APOOL: variants seen among roughly 807,000 people sequenced by gnomAD.
APOOL encodes apolipoprotein O like, also known as MICOS complex subunit MIC27.
APOOL carries 12 observed loss-of-function variants against 23.1 expected under a neutral mutation model. The observed-to-expected ratio is 0.52, with a 90% CI of 0.33 to 0.84. APOOL has a LOEUF of 0.84. Ranked by LOEUF, APOOL falls within the 40% of genes least tolerant of loss-of-function variation. APOOL has a pLI of 0.02. For missense variants in APOOL, 212 were observed against 199.6 expected (o/e 1.06, Z -0.37); for synonymous variants, 77 against 69.9 (o/e 1.10, Z -0.51).
At chrX:85,007,374 G>A (rs746139422) in intron 1 of APOOL, among the ~76,000 whole-genome samples, 24 of 110,963 alleles carry the variant, frequency 2.2e-4, no homozygotes, top group African/African-American at 7.5e-4. Flanking sequence ...GTCATCCACT[G>A]TGGATAAGGA....
chrX:85,026,666 T>TA (rs949080072), intron 1 of APOOL, among the ~76,000 whole-genome samples: 10 of 111,928 alleles, frequency 8.9e-5, no homozygotes, highest in South Asian at 7.5e-4. Context: ...TTCTACCAGA[T>TA]AGGCTAGGTC....
chrX:85,023,413 A>G (rs1005330513), intron 1 of APOOL, among the ~76,000 whole-genome samples: 1 of 112,024 alleles, frequency 8.9e-6, no homozygotes, highest in East Asian at 2.8e-4. Context: ...GAAATGGAAG[A>G]CAGAAATTGA....
chrX:85,087,213 A>G (rs762298068), intron 8 of APOOL, among the ~76,000 whole-genome samples: 2 of 110,677 alleles, frequency 1.8e-5, no homozygotes, highest in South Asian at 7.9e-4. Flanking sequence ...TTGGTTCCTC[A>G]GACATACCTC....
At chrX:85,084,733 G>A (rs768586908) in intron 8 of APOOL, among the ~76,000 whole-genome samples, 4 of 111,283 alleles carry the variant, frequency 3.6e-5, no homozygotes, top group Non-Finnish European at 5.7e-5. Flanking sequence ...TGATCTAAAG[G>A]CAAAAGATTC....
chrX:85,074,154 T>C (rs1923764894), intron 7 of APOOL, 43 bp downstream of exon 7: 1 of 1,140,700 alleles, frequency 8.8e-7, no homozygotes, highest in Admixed American at 2.6e-5. Context: ...TGAGTTTTGT[T>C]TGGGTGGGTG....
At chrX:85,022,478 C>A (rs1569453802) in intron 1 of APOOL, among the ~76,000 whole-genome samples, 1 of 111,731 alleles carries the variant, frequency 9.0e-6, no homozygotes, top group African/African-American at 3.3e-5. Flanking sequence ...AAAGGAAGGA[C>A]AAAAGCCATA....
chrX:85,043,392 C>G (rs1243382659), intron 1 of APOOL, among the ~76,000 whole-genome samples: 1 of 92,784 alleles, frequency 1.1e-5, no homozygotes, highest in African/African-American at 3.9e-5. Flanking sequence ...ATTTGGTTTT[C>G]TAAATTGGAG....
rs1569462215 is a variant in APOOL, at chrX:85,088,019, C to CATATTT, written c.*344_*345insTTTATA. Reference sequence around the variant, plus strand: ...ATATATATATATGTATGTATAAATACATACATATTTATACATGTATAAATA... The same window carrying CATATTT: ...ATATATATATATGTATGTATAAATACATATTTATACATATTTATACATGTATAAATA... On this transcript the variant is annotated 3_prime_UTR_variant, in exon 9 of 9. Transcript: ENST00000373173. 58 of 97,063 alleles carry CATATTT rather than the reference C, an allele frequency of 6.0e-4. 1 individual carries two copies. The highest frequency in any genetic ancestry group is 2.2e-3 in the African/African-American group (53 of 24,559). 8.0% of individuals were successfully genotyped at this position (97,063 alleles called of 1,213,427 possible). A position where few individuals can be genotyped will look rare whatever the true frequency, so the allele number is the denominator to read the frequency against.
rs1438408525 is a variant in APOOL, at chrX:85,090,761, A to C, written c.*3083A>C. On this transcript the variant is annotated 3_prime_UTR_variant, in exon 9 of 9. Transcript: ENST00000373173. The stretch of plus-strand genomic sequence containing the variant: ...ACATTCTAACTTCTACCCATCCTAC[A>C]AGTCCAATTCCAGTGTCATGTTCCC... 1 of 111,624 alleles carries C rather than the reference A, an allele frequency of 9.0e-6. No homozygotes were observed. Among genetic ancestry groups the C allele is most frequent in the Non-Finnish European group, 1.9e-5 (1 of 53,182 alleles). 9.2% of individuals were successfully genotyped at this position (111,624 alleles called of 1,213,427 possible). A position where few individuals can be genotyped will look rare whatever the true frequency, so the allele number is the denominator to read the frequency against.
intron 8 of APOOL, among the ~76,000 whole-genome samples, chrX:85,075,951 A>G (rs759435911): frequency 4.1e-4 from 46 of 111,768 alleles, no homozygotes; most frequent in Middle Eastern, 9.2e-3. Context: ...TCACAGTTCT[A>G]GAGACTGAAA....
At chrX:85,071,985 G>A (rs749039389) in intron 6 of APOOL, among the ~76,000 whole-genome samples, 77 of 111,722 alleles carry the variant, frequency 6.9e-4, no homozygotes, top group African/African-American at 2.5e-3. Context: ...GCGTGCGCCT[G>A]TAGTCCCAGC....
chrX:85,013,201 G>A (rs150477580), intron 1 of APOOL, among the ~76,000 whole-genome samples: 64 of 111,391 alleles, frequency 5.7e-4, no homozygotes, highest in East Asian at 3.4e-3. Flanking sequence ...TCATTTCTAC[G>A]TGAGCTGATT....
intron 6 of APOOL, among the ~76,000 whole-genome samples, chrX:85,070,698 A>C (rs1312584066): frequency 9.0e-6 from 1 of 110,540 alleles, no homozygotes; most frequent in Non-Finnish European, 1.9e-5. Flanking sequence ...CACATTATAT[A>C]CCCAGAACTT....
intron 8 of APOOL, among the ~76,000 whole-genome samples, chrX:85,082,949 G>A (rs1424831438): frequency 9.0e-6 from 1 of 111,460 alleles, no homozygotes; most frequent in African/African-American, 3.3e-5. Flanking sequence ...TTGGTGCTGT[G>A]GAGAGAGAAA....
At chrX:85,055,278 A>G (rs1922921482) in intron 4 of APOOL, among the ~76,000 whole-genome samples, 1 of 111,848 alleles carries the variant, frequency 8.9e-6, no homozygotes, top group Non-Finnish European at 1.9e-5. Context: ...AAAGCCAAGA[A>G]CTACTCTTCA....
rs189289904 is a variant in APOOL, at chrX:85,086,308, T to G, written c.719-1282T>G. 1.1e-4 allele frequency among the ~76,000 whole-genome samples: 12 copies of G among 111,897 alleles called. 1 individual carries two copies. Among genetic ancestry groups the G allele is most frequent in the Non-Finnish European group, 3.8e-5 (2 of 53,162 alleles). ...TCTTTCCTACATTCTCCTAACCCTC[T>G]TAACATCTTCTAATCTTAACCCAAA... On this transcript the variant is annotated intron_variant, in intron 8 of 8. Transcript: ENST00000373173.
Position 85,092,449 on chromosome X carries a change from C to T in APOOL, c.*4771C>T. ...TCTGTTAAACCTGAAGAGATGCCAG[C>T]CCTCCTCAGAGGAAAGGTCTAAAGC... On this transcript the variant is annotated 3_prime_UTR_variant, in exon 9 of 9. Transcript: ENST00000373173. The T allele has an allele frequency of 3.3e-6, 4 of 1,199,470 alleles. No homozygotes were observed. The highest frequency in any genetic ancestry group is 1.8e-5 in the South Asian group (1 of 54,786).
At chrX:85,015,601 T>C (rs1921442376) in intron 1 of APOOL, among the ~76,000 whole-genome samples, 1 of 108,532 alleles carries the variant, frequency 9.2e-6, no homozygotes, top group Non-Finnish European at 1.9e-5. Flanking sequence ...GGGATTTCAC[T>C]CTTGTGGCCC....
chrX:85,067,253 A>G (rs1923489767), intron 6 of APOOL, 35 bp downstream of exon 6: 2 of 937,689 alleles, frequency 2.1e-6, no homozygotes, highest in South Asian at 2.4e-5. Context: ...ACATTTCAGT[A>G]TTTGTTTAAA....
Sources: allele counts gnomAD v4.1 joint callset (sites outside exome capture counted in the v4.1 genomes callset), GRCh38; gene constraint gnomAD v4.1.1; transcripts MANE v1.5; gene names NCBI Gene and HGNC (gene_info 2026-07-23, HGNC 2026-07-21).